SEL1L: variants seen among roughly 807,000 people sequenced by gnomAD.
SEL1L encodes protein sel-1 homolog 1.
Under a neutral mutation model 109.8 loss-of-function variants are expected in SEL1L, and 52 were observed. The observed-to-expected ratio is 0.47, with a 90% CI of 0.38 to 0.60. SEL1L has a LOEUF of 0.60. SEL1L is among the 20% of genes least tolerant of loss of function. SEL1L has a pLI of 0.00. For synonymous variants in SEL1L, 373 were observed against 339.6 expected (o/e 1.10, Z -1.08); for missense variants, 749 against 962.2 (o/e 0.78, Z 2.93).
Position 81,508,059 on chromosome 14 carries a change from A to G in SEL1L, c.341-1818T>C, listed in dbSNP as rs79121943. ...TAAAGGACTCATTATGGTGCCTATC[A>G]CTTTAGGTAATAAGAGTTCAAGAGA... On this transcript the variant is annotated intron_variant, in intron 3 of 20. Transcript: ENST00000336735. Among the ~76,000 whole-genome samples the G allele has an allele frequency of 9.6e-3, 1,467 of 152,318 alleles. 31 individuals are homozygous for G. The highest frequency in any genetic ancestry group is 0.034 in the African/African-American group (1,408 of 41,558).
At chr14:81,527,438 T>TACACACACACACACAC (rs67777470) in intron 2 of SEL1L, among the ~76,000 whole-genome samples, 18 of 146,662 alleles carry the variant, frequency 1.2e-4, no homozygotes, top group East Asian at 4.0e-4. Context: ...TCTTCAAACT[T>TACACACACACACACAC]ACACACACAC....
chr14:81,489,484 C>G (rs1217789948), intron 13 of SEL1L, among the ~76,000 whole-genome samples, 170 bp from the exon 14 acceptor site: 1 of 152,162 alleles, frequency 6.6e-6, no homozygotes, highest in Admixed American at 6.5e-5. Flanking sequence ...ATAATATTGA[C>G]TTTTAGACAT....
chr14:81,526,967 G>A lies in SEL1L; in HGVS notation c.109-3C>T, dbSNP rs1309954140. 1.9e-6 allele frequency: 3 copies of A among 1,601,110 alleles called. No individual in the cohort carries two copies. The highest frequency in any genetic ancestry group is 2.6e-6 in the Non-Finnish European group (3 of 1,168,956). ...GACTCATCTGATGTCAAAGTAGTCT[G>A]AGAATATAAAGTATTTTTAGTTATC... is the stretch of plus-strand genomic sequence containing the variant. On this transcript the variant is annotated splice_region_variant and splice_polypyrimidine_tract_variant and intron_variant, in intron 2 of 20. Coordinates refer to ENST00000336735, the MANE Select transcript of SEL1L (RefSeq NM_005065.6).
rs994583329 is a variant in SEL1L at position 81,492,684 on chromosome 14, G to C, written c.1186-136C>G. 6.9e-6 allele frequency: 4 copies of C among 583,092 alleles called. No individual in the cohort carries two copies. In the South Asian group the frequency reaches 7.3e-5, roughly 11 times the overall value. 36.1% of individuals were successfully genotyped at this position (583,092 alleles called of 1,614,324 possible). On this transcript the variant is annotated intron_variant, in intron 11 of 20. Coordinates refer to ENST00000336735, the MANE Select transcript of SEL1L (RefSeq NM_005065.6). ...GCTTTAAAAACAAGAATACCCAGTT[G>C]CCAATATTTTGAAAGAGAAATCAGT...
At chr14:81,492,413 C>A in intron 12 of SEL1L, 67 bp downstream of exon 12, 4 of 1,124,774 alleles carry the variant, frequency 3.6e-6, no homozygotes, top group Non-Finnish European at 5.4e-6. Context: ...AGATCCTGAA[C>A]ACAATACATG....
At chr14:81,521,309 C>T (rs770136626) in intron 3 of SEL1L, among the ~76,000 whole-genome samples, 2 of 151,712 alleles carry the variant, frequency 1.3e-5, no homozygotes, top group Non-Finnish European at 2.9e-5. Flanking sequence ...ATTTCTGGGT[C>T]AAGAAATGTA....
chr14:81,490,571 C>A, intron 12 of SEL1L, 106 bp from the exon 13 acceptor site: 1 of 881,718 alleles, frequency 1.1e-6, no homozygotes, highest in Non-Finnish European at 1.8e-6. Flanking sequence ...TTAAATCTTT[C>A]CAAAAAATTT....
intron 6 of SEL1L, among the ~76,000 whole-genome samples, chr14:81,501,258 A>C (rs181514528): frequency 2.0e-4 from 30 of 152,306 alleles, no homozygotes; most frequent in Admixed American, 1.9e-3. Flanking sequence ...CTGTAGTGTT[A>C]AGCCACTGTG....
Position 81,484,259 on chromosome 14 carries a change from C to G in SEL1L, c.2012G>C (p.Gly671Ala). 2 of 1,613,834 alleles carry G rather than the reference C, an allele frequency of 1.2e-6. No individual in the cohort carries two copies. Among genetic ancestry groups the G allele is most frequent in the South Asian group, 1.1e-5 (1 of 91,044 alleles). Residue 671 changes from glycine (G) to alanine (A), a missense_variant, in exon 19 of 21, where the codon GGA (glycine) becomes GCA (alanine). Transcript: ENST00000336735. Reference protein sequence around the residue: ...QHSAQAMFNLGYMHEKGLGIK... With the variant: ...QHSAQAMFNLAYMHEKGLGIK... ...GCCCAGTCCTTTCTCATGCATATAT[C>G]CCAGATTAAACATAGCTTGTGCACT...
chr14:81,495,219 G>T (rs1457919899), intron 10 of SEL1L, 82 bp from the exon 11 acceptor site: 2 of 1,233,082 alleles, frequency 1.6e-6, no homozygotes, highest in Non-Finnish European at 2.4e-6. Flanking sequence ...AAATGATTTG[G>T]TCGTAAAATG....
At chr14:81,517,185 A>G (rs1465865647) in intron 3 of SEL1L, among the ~76,000 whole-genome samples, 2 of 152,104 alleles carry the variant, frequency 1.3e-5, no homozygotes, top group African/African-American at 4.8e-5. Flanking sequence ...GTTTGTTGAG[A>G]GCCATAGAAT....
intron 3 of SEL1L, among the ~76,000 whole-genome samples, chr14:81,519,608 G>T (rs1382256636): frequency 6.6e-6 from 1 of 152,230 alleles, no homozygotes; most frequent in Non-Finnish European, 1.5e-5. Flanking sequence ...GCCAAAGGAG[G>T]TTTCTGAGCA....
intron 12 of SEL1L, 128 bp from the exon 13 acceptor site, chr14:81,490,593 C>T: frequency 1.4e-6 from 1 of 725,444 alleles, no homozygotes. Flanking sequence ...GAATTCCCCA[C>T]AGGATATTTT....
intron 19 of SEL1L, among the ~76,000 whole-genome samples, chr14:81,483,891 C>A (rs1427533326): frequency 6.6e-6 from 1 of 152,138 alleles, no homozygotes; most frequent in Non-Finnish European, 1.5e-5. Flanking sequence ...ACATTTAATT[C>A]ATTTCAAAAT....
chr14:81,486,204 A>G (rs575022814), intron 17 of SEL1L, 85 bp downstream of exon 17: 18 of 1,260,894 alleles, frequency 1.4e-5, no homozygotes, highest in Non-Finnish European at 1.9e-5. Flanking sequence ...GTTTCCTAGT[A>G]GCTTTTCTTT....
chr14:81,499,510 T>C lies in SEL1L; in HGVS notation c.840A>G (p.Val280=). 9 of 1,612,020 alleles carry C rather than the reference T, an allele frequency of 5.6e-6. No homozygotes were observed. The highest frequency in any genetic ancestry group is 6.8e-6 in the Non-Finnish European group (8 of 1,179,446). The change falls in exon 8 of 21, where the codon GTA becomes GTG. Residue 280 remains valine, a synonymous_variant. Coordinates refer to ENST00000336735, the MANE Select transcript of SEL1L (RefSeq NM_005065.6). Reference sequence around the variant, plus strand: ...CCCCAAGAGCTCCAAATGTATAATATACAAGAGCCTGTGAAAGAACAAAAC... The same window carrying C: ...CCCCAAGAGCTCCAAATGTATAATACACAAGAGCCTGTGAAAGAACAAAAC... ...GVNSSQAKAL[V]YYTFGALGGN... is the part of the protein sequence containing the mutation.
chr14:81,505,730 C>T (rs1312191427), intron 4 of SEL1L, among the ~76,000 whole-genome samples: 1 of 152,188 alleles, frequency 6.6e-6, no homozygotes, highest in African/African-American at 2.4e-5. Flanking sequence ...TATTTTTCTT[C>T]TAATCACTAT....
intron 3 of SEL1L, among the ~76,000 whole-genome samples, chr14:81,514,691 A>G (rs1035615131): frequency 6.6e-6 from 1 of 152,070 alleles, no homozygotes; most frequent in Non-Finnish European, 1.5e-5. Flanking sequence ...GGGCAGGGAG[A>G]GAAACAAACC....
chr14:81,518,951 C>G lies in SEL1L; in HGVS notation c.340+7782G>C, dbSNP rs1323376608. Reference sequence around the variant, plus strand: ...AAACTTCTCTCTTTGAGAAGGCTGGCTTCCAAGGTTGGCCCTTGGTTAGCA... The same window carrying G: ...AAACTTCTCTCTTTGAGAAGGCTGGGTTCCAAGGTTGGCCCTTGGTTAGCA... On this transcript the variant is annotated intron_variant, in intron 3 of 20. Coordinates refer to ENST00000336735, the MANE Select transcript of SEL1L (RefSeq NM_005065.6). 6.6e-5 allele frequency among the ~76,000 whole-genome samples: 10 copies of G among 152,172 alleles called. No homozygotes were observed. The South Asian group carries it at 1.2e-3, about 19-fold the overall frequency.
Sources: allele counts gnomAD v4.1 joint callset (sites outside exome capture counted in the v4.1 genomes callset), GRCh38; gene constraint gnomAD v4.1.1; transcripts MANE v1.5; gene names NCBI Gene and HGNC (gene_info 2026-07-23, HGNC 2026-07-21).